Variants in GZMH observed in about 807,000 individuals in gnomAD.
The protein encoded by GZMH is cathepsin G-like 2, protein h-CCPX.
A neutral mutation model predicts 20.7 loss-of-function variants in GZMH; 24 were observed. The ratio of observed to expected loss-of-function variants is 1.16; its 90% CI spans 0.84 to 1.63. The LOEUF (loss-of-function observed/expected upper bound fraction) is 1.63, where lower values mean the gene tolerates loss of function less well. Ranked by LOEUF, GZMH falls within the 40% of genes most tolerant of loss-of-function variation. The probability of loss-of-function intolerance (pLI) is 0.00; values close to 1 mark genes in which losing one functional copy is unlikely to be tolerated. For synonymous variants in GZMH, 119 were observed against 116.1 expected, an observed-to-expected ratio of 1.02 and a Z score of -0.16; for missense variants, 344 against 302.7, an observed-to-expected ratio of 1.14 and a Z score of -1.01.
rs996314607 is a variant in GZMH, at chr14:24,607,408, T to C, written c.340-2A>G. ...GGTCCACTTGGCCTTTCTCTCCAGC[T>C]GGTGGGGAAGAAGCAAGAAAGTCCA... On this transcript the variant is annotated splice_acceptor_variant, in intron 3 of 4. Transcript: ENST00000216338. LOFTEE classifies it high-confidence loss of function. The C allele has an allele frequency of 6.3e-7, 1 of 1,590,772 alleles. No individual in the cohort carries two copies. Among genetic ancestry groups the C allele is most frequent in the East Asian group, 2.2e-5 (1 of 44,450 alleles).
intron 2 of GZMH, 25 bp downstream of exon 2, chr14:24,608,240 G>C (rs771972775): frequency 3.7e-6 from 6 of 1,613,788 alleles, no homozygotes; most frequent in Non-Finnish European, 5.1e-6. Context: ...GGGAACTCAG[G>C]AGGTGAGCTG....
rs969959903 is a variant in GZMH at position 24,607,716 on chromosome 14, T to C, written c.235A>G (p.Ile79Val). ...TGCTGGGTCCGCTCCTGTTCCTTGA[T>C]ATTGTGGGCCCCCAAGGTGACATTT... is the stretch of plus-strand genomic sequence containing the variant. The part of the protein sequence containing the change: ...SINVTLGAHN[I>V]KEQERTQQFI... Residue 79 changes from isoleucine to valine, a missense_variant, in exon 3 of 5, where the codon ATC (isoleucine) becomes GTC (valine). Coordinates refer to ENST00000216338, the MANE Select transcript of GZMH (RefSeq NM_033423.5). The C allele has an allele frequency of 1.7e-5, 28 of 1,613,858 alleles. No homozygotes were observed. The highest frequency in any genetic ancestry group is 2.3e-5 in the Non-Finnish European group (27 of 1,179,924).
At chr14:24,609,210 C>T (rs916079834) in intron 1 of GZMH, among the ~76,000 whole-genome samples, 3 of 152,198 alleles carry the variant, frequency 2.0e-5, no homozygotes, top group African/African-American at 7.2e-5. Context: ...AGTAACAACT[C>T]CTATGACTGC....
chr14:24,607,047 C>G lies in GZMH; in HGVS notation c.597+102G>C, dbSNP rs905757152. ...TCCAGGGGGACACAGGCTGCCCAAG[C>G]TCTGGGCTGAGAGCATAAAGATCTG... On this transcript the variant is annotated intron_variant, in intron 4 of 4. Coordinates refer to ENST00000216338, the MANE Select transcript of GZMH (RefSeq NM_033423.5). The G allele has an allele frequency of 4.0e-6, 5 of 1,261,906 alleles. No individual in the cohort carries two copies. In the Admixed American group the frequency reaches 1.0e-4, roughly 25 times the overall value. The allele number at this position is 1,261,906 out of a possible 1,614,324, so 78.2% of individuals were successfully genotyped here. A position where few individuals can be genotyped will look rare whatever the true frequency, so the allele number is the denominator to read the frequency against.
chr14:24,609,439 T>A, intron 1 of GZMH, 120 bp downstream of exon 1: 1 of 602,180 alleles, frequency 1.7e-6, no homozygotes, highest in South Asian at 2.7e-5. Context: ...CTCAGATTTA[T>A]AAGTCTGGGT....
chr14:24,607,799 C>T (rs2066882665), intron 2 of GZMH, 52 bp from the exon 3 acceptor site: 1 of 1,613,218 alleles, frequency 6.2e-7, no homozygotes, highest in Middle Eastern at 1.7e-4. Flanking sequence ...GGATAGAGCC[C>T]AGGAGCAGTG....
At chr14:24,609,301 C>T (rs2066894729) in intron 1 of GZMH, among the ~76,000 whole-genome samples, 1 of 152,154 alleles carries the variant, frequency 6.6e-6, no homozygotes, top group African/African-American at 2.4e-5. Context: ...ACATTCCCTA[C>T]CAAATGCCTT....
At position 24,607,376 on chromosome 14, in the gene GZMH, C is replaced by T. The variant is rs367553193; in HGVS notation, c.370G>A (p.Val124Met). 4 of 1,603,628 alleles carry T rather than the reference C, an allele frequency of 2.5e-6. No homozygotes were observed. The highest frequency in any genetic ancestry group is 1.7e-4 in the Middle Eastern group (1 of 5,996). Residue 124 changes from valine to methionine, a missense_variant, in exon 4 of 5, where the codon GTG (valine) becomes ATG (methionine). By Grantham distance (21) the Val-to-Met change is conservative (BLOSUM62 1). Transcript: ENST00000216338. ...LERKAKWTTA[V>M]RPLRLPSSKA... ...CTGCTAGGTAGCCTGAGAGGCCGCA[C>T]AGCTGTGGTCCACTTGGCCTTTCTC... is the stretch of plus-strand genomic sequence containing the variant.
rs149372387 is a variant in GZMH, at chr14:24,607,226, G to A, written c.520C>T (p.Arg174Cys). Residue 174 changes from arginine (R) to cysteine (C), a missense_variant, in exon 4 of 5, where the codon CGT (arginine) becomes TGT (cysteine). Arg to Cys is a radical substitution (Grantham distance 180). Transcript: ENST00000216338. ...CTGCTGTAATTGCCATGGAAGAGACGTTCACACTGGCAGTCCTTCTGCACT... is the reference window on the plus strand; with the variant it reads ...CTGCTGTAATTGCCATGGAAGAGACATTCACACTGGCAGTCCTTCTGCACT... Reference protein sequence around the residue: ...LTVQKDCQCERLFHGNYSRAT... With the variant: ...LTVQKDCQCECLFHGNYSRAT... 2.3e-4 allele frequency: 378 copies of A among 1,613,932 alleles called. No individual in the cohort carries two copies. Among genetic ancestry groups the A allele is most frequent in the African/African-American group, 3.1e-4 (23 of 74,924 alleles).
In GZMH at chr14:24,607,196, T is replaced by G. The variant is rs139103808; in HGVS notation, c.550A>C (p.Thr184Pro). ...TTTGGATCCCCCACACAAATCTCAG[T>G]GGCTCTGCTGTAATTGCCATGGAAG... ...RLFHGNYSRATEICVGDPKKT... is the reference protein window; with the variant it reads ...RLFHGNYSRAPEICVGDPKKT... Residue 184 changes from threonine to proline, a missense_variant, in exon 4 of 5, where the codon ACT (threonine) becomes CCT (proline). Coordinates refer to ENST00000216338, the MANE Select transcript of GZMH (RefSeq NM_033423.5). The G allele has an allele frequency of 1.1e-3, 1,802 of 1,614,124 alleles. 4 individuals are homozygous for G. Among genetic ancestry groups the G allele is most frequent in the Admixed American group, 1.8e-3 (106 of 60,026 alleles).
intron 2 of GZMH, 141 bp downstream of exon 2, chr14:24,608,124 A>G (rs1357661011): frequency 1.1e-5 from 10 of 878,300 alleles, no homozygotes; most frequent in Middle Eastern, 3.3e-4. Flanking sequence ...TCTTAGTCCT[A>G]TTCCCAGGTG....
At chr14:24,609,080 A>T (rs1486759333) in intron 1 of GZMH, among the ~76,000 whole-genome samples, 1 of 152,188 alleles carries the variant, frequency 6.6e-6, no homozygotes, top group East Asian at 1.9e-4. Context: ...GAGCCAAGGT[A>T]ATGGGAGAGC....
In GZMH at chr14:24,607,287, G is replaced by A. The variant is rs1480757515; in HGVS notation, c.459C>T (p.Ser153=). The stretch of plus-strand genomic sequence containing the variant: ...CTTCCTGCAGTGTGGTTGCTAAAGT[G>A]CTCATTGAGACATAACCCCAGCCAG... ...SVAGWGYVSM[S]TLATTLQEVL... Residue 153 remains serine (S), a synonymous_variant, in exon 4 of 5, where the codon AGC becomes AGT. Coordinates refer to ENST00000216338, the MANE Select transcript of GZMH (RefSeq NM_033423.5). 6.2e-7 allele frequency: 1 copy of A among 1,614,084 alleles called. No homozygotes were observed. The highest frequency in any genetic ancestry group is 2.2e-5 in the East Asian group (1 of 44,886).
In GZMH at chr14:24,606,700, A is replaced by C. The variant is rs369147316; in HGVS notation, c.644T>G (p.Ile215Ser). 43 of 1,613,750 alleles carry C rather than the reference A, an allele frequency of 2.7e-5. No individual in the cohort carries two copies. Among genetic ancestry groups the C allele is most frequent in the Non-Finnish European group, 3.6e-5 (42 of 1,179,776 alleles). ...PLVCKDVAQG[I>S]LSYGNKKGTP... The stretch of plus-strand genomic sequence containing the variant: ...CCCTTTTTTGTTTCCATAGGAGAGA[A>C]TACCTTGGGCTACGTCCTTACACAC... Residue 215 changes from isoleucine to serine, a missense_variant, in exon 5 of 5, where the codon ATT becomes AGT. Ile to Ser is a moderately radical substitution (Grantham distance 142). Coordinates refer to ENST00000216338, the MANE Select transcript of GZMH (RefSeq NM_033423.5).
chr14:24,606,560 A>G lies in GZMH; in HGVS notation c.*43T>C, dbSNP rs376491023. On this transcript the variant is annotated 3_prime_UTR_variant, in exon 5 of 5. Coordinates refer to ENST00000216338, the MANE Select transcript of GZMH (RefSeq NM_033423.5). ...CCTTGGGGATTCTTGCCTCTGTCCC[A>G]GAGATGGTCAGGCCCAGAGGAAGGT... 190 of 1,587,304 alleles carry G rather than the reference A, an allele frequency of 1.2e-4. No individual in the cohort carries two copies. Among genetic ancestry groups the G allele is most frequent in the Non-Finnish European group, 1.5e-4 (177 of 1,166,400 alleles).
chr14:24,609,499 A>T, intron 1 of GZMH, 60 bp downstream of exon 1: 1 of 1,142,130 alleles, frequency 8.8e-7, no homozygotes, highest in Non-Finnish European at 1.3e-6. Context: ...ACCAGTGCTC[A>T]TGGGTACAGG....
In GZMH at chr14:24,607,699, CCGCT is replaced by C; in HGVS notation, c.248_251del (p.Glu83GlyfsTer8). On this transcript the variant is annotated frameshift_variant, in exon 3 of 5. Coordinates refer to ENST00000216338, the MANE Select transcript of GZMH (RefSeq NM_033423.5). LOFTEE classifies it high-confidence loss of function. ...TTTTCACAGGGATAAACTGCTGGGT[CCGCT>C]CCTGTTCCTTGATATTGTGGGCCCC... 6.2e-7 allele frequency: 1 copy of C among 1,613,804 alleles called. No individual in the cohort carries two copies. The highest frequency in any genetic ancestry group is 1.1e-5 in the South Asian group (1 of 91,080).
In GZMH at chr14:24,608,196, G is replaced by A. The variant is rs2066885411; in HGVS notation, c.203+69C>T. The A allele has an allele frequency of 8.5e-6, 13 of 1,534,652 alleles. No individual in the cohort carries two copies. The South Asian group carries it at 1.3e-4, about 15-fold the overall frequency. ...GGAACTCTGGAAGCTCCCCTGGGCTGCAGTCCCCAGGAGAAAACAAGGGTC... is the reference window on the plus strand; with the variant it reads ...GGAACTCTGGAAGCTCCCCTGGGCTACAGTCCCCAGGAGAAAACAAGGGTC... On this transcript the variant is annotated intron_variant, in intron 2 of 4. Coordinates refer to ENST00000216338, the MANE Select transcript of GZMH (RefSeq NM_033423.5).
At position 24,606,753 on chromosome 14, in the gene GZMH, A is replaced by T; in HGVS notation, c.598-7T>A. 6.2e-7 allele frequency: 1 copy of T among 1,611,958 alleles called. No individual in the cohort carries two copies. ...GGGGCCCCCCGGAGTCCCCCTGTGA[A>T]CAGAGAGAGGAAAGACTGAGCTAGT... On this transcript the variant is annotated splice_region_variant and splice_polypyrimidine_tract_variant and intron_variant, in intron 4 of 4. Transcript: ENST00000216338.
Sources: allele counts gnomAD v4.1 joint callset (sites outside exome capture counted in the v4.1 genomes callset), GRCh38; gene constraint gnomAD v4.1.1; transcripts MANE v1.5; gene names NCBI Gene and HGNC (gene_info 2026-07-23, HGNC 2026-07-21).